MCC: variants seen among roughly 807,000 people sequenced by gnomAD.
MCC encodes colorectal mutant cancer protein.
A neutral mutation model predicts 116.2 loss-of-function variants in MCC; 90 were observed. The observed-to-expected ratio is 0.77, with a 90% CI of 0.65 to 0.92. The LOEUF (loss-of-function observed/expected upper bound fraction) is 0.92, where lower values mean the gene tolerates loss of function less well. Ranked by LOEUF, MCC falls within the 40% of genes least tolerant of loss-of-function variation. MCC has a pLI of 0.00. For missense variants in MCC, 1,516 were observed against 1,312.2 expected (o/e 1.16, Z -2.40); for synonymous variants, 578 against 510.5 (o/e 1.13, Z -1.78).
intron 1 of MCC, among the ~76,000 whole-genome samples, chr5:113,462,943 T>C (rs1771786233): frequency 6.6e-6 from 1 of 152,100 alleles, no homozygotes. Context: ...AACATATCAT[T>C]ACAAATGGAG....
intron 3 of MCC, among the ~76,000 whole-genome samples, chr5:113,339,931 A>G (rs1581411477): frequency 6.6e-6 from 1 of 152,260 alleles, no homozygotes; most frequent in Non-Finnish European, 1.5e-5. Flanking sequence ...CAAAATGGCC[A>G]GGCCATCGGC....
rs145408397 is a variant in MCC at position 113,408,412 on chromosome 5, A to G, written c.171-23200T>C. On this transcript the variant is annotated intron_variant, in intron 1 of 18. Coordinates refer to ENST00000408903, the MANE Select transcript of MCC (RefSeq NM_001085377.2). ...ACGAGATCTTTTTCTTGGAGATACA[A>G]CATGTACTGTATTATATTAAACACT... 2.0e-3 allele frequency among the ~76,000 whole-genome samples: 302 copies of G among 152,296 alleles called. 1 individual carries two copies. The highest frequency in any genetic ancestry group is 7.0e-3 in the African/African-American group (290 of 41,570).
At chr5:113,034,081 T>C (rs1324889513) in intron 17 of MCC, among the ~76,000 whole-genome samples, 1 of 148,432 alleles carries the variant, frequency 6.7e-6, no homozygotes. Flanking sequence ...TTTTTTTTTG[T>C]AGAGATAGGG....
chr5:113,055,074 C>A (rs1342527195), intron 14 of MCC, among the ~76,000 whole-genome samples: 2 of 152,226 alleles, frequency 1.3e-5, no homozygotes, highest in African/African-American at 2.4e-5. Context: ...CAGAGGCCTA[C>A]TGACCTTGCA....
chr5:113,434,667 G>A lies in MCC; in HGVS notation c.171-49455C>T. The A allele has an allele frequency of 6.2e-7, 1 of 1,613,978 alleles. No individual in the cohort carries two copies. Among genetic ancestry groups the A allele is most frequent in the South Asian group, 1.1e-5 (1 of 91,082 alleles). On this transcript the variant is annotated intron_variant, in intron 1 of 18. Coordinates refer to ENST00000408903, the MANE Select transcript of MCC (RefSeq NM_001085377.2). This position sits in a 1 kb window ranked among gnomAD's most constrained non-coding sequence, Gnocchi z 4.2. The stretch of plus-strand genomic sequence containing the variant: ...CATGGCCAGAATCTCAATTTCCCGG[G>A]GAAGGAATTTCTCCAAGAAGTCTGC...
intron 3 of MCC, among the ~76,000 whole-genome samples, chr5:113,289,739 C>A (rs1157457624): frequency 6.6e-6 from 1 of 152,196 alleles, no homozygotes; most frequent in South Asian, 2.1e-4. Context: ...TCCTCTTGCT[C>A]TAGTCACTGA....
intron 13 of MCC, among the ~76,000 whole-genome samples, chr5:113,065,495 G>C (rs1753541692): frequency 6.6e-6 from 1 of 152,110 alleles, no homozygotes. Flanking sequence ...CCAAATCATA[G>C]AAAATGCTAT....
intron 17 of MCC, among the ~76,000 whole-genome samples, chr5:113,040,871 T>C (rs1358076629): frequency 2.6e-5 from 4 of 152,224 alleles, no homozygotes; most frequent in African/African-American, 9.7e-5. Context: ...TTATGTTTAG[T>C]CAGCACAATC....
chr5:113,089,790 C>A (rs930423794), intron 8 of MCC, among the ~76,000 whole-genome samples: 3 of 152,064 alleles, frequency 2.0e-5, no homozygotes, highest in African/African-American at 7.2e-5. Flanking sequence ...TAAAAATATT[C>A]AAGGAGGTGA....
At chr5:113,341,826 G>C (rs12520003) in intron 2 of MCC, among the ~76,000 whole-genome samples, 2 of 124,458 alleles carry the variant, frequency 1.6e-5, no homozygotes, top group African/African-American at 6.6e-5. Flanking sequence ...GATTAGAAAA[G>C]AAAACTTTTT....
intron 5 of MCC, among the ~76,000 whole-genome samples, chr5:113,130,894 T>C (rs1758383172): frequency 6.6e-6 from 1 of 152,170 alleles, no homozygotes; most frequent in Admixed American, 6.5e-5. Flanking sequence ...CAGATTCCTT[T>C]CTAGTAACAC....
At chr5:113,031,324 T>TGCATTTCCTCCCGGCATTGGAGAGTGGCA (rs1750937576) in intron 17 of MCC, among the ~76,000 whole-genome samples, 1 of 152,150 alleles carries the variant, frequency 6.6e-6, no homozygotes. Flanking sequence ...CGGATCTGGC[T>TGCATTTCCTCCCGGCATTGGAGAGTGGCA]GCATTTCCTC....
At chr5:113,058,593 C>T (rs925832802) in intron 14 of MCC, among the ~76,000 whole-genome samples, 1 of 152,226 alleles carries the variant, frequency 6.6e-6, no homozygotes. Flanking sequence ...GTAGAGGCCA[C>T]AATGCTCCTG....
intron 3 of MCC, among the ~76,000 whole-genome samples, chr5:113,215,100 C>T (rs968235097): frequency 1.3e-5 from 2 of 152,206 alleles, no homozygotes; most frequent in African/African-American, 4.8e-5. Context: ...TGGCTACTGC[C>T]AGCCCTTTAA....
intron 3 of MCC, among the ~76,000 whole-genome samples, chr5:113,261,325 A>C (rs1765211472): frequency 6.6e-6 from 1 of 152,184 alleles, no homozygotes; most frequent in South Asian, 2.1e-4. Flanking sequence ...GGTACTCAAA[A>C]TACGATTTCT....
intron 6 of MCC, among the ~76,000 whole-genome samples, chr5:113,114,165 G>A (rs1757266256): frequency 6.6e-6 from 1 of 152,146 alleles, no homozygotes; most frequent in South Asian, 2.1e-4. Flanking sequence ...TTAACAATTG[G>A]TTGATTAAGA....
At chr5:113,037,840 A>G (rs369320608) in intron 17 of MCC, among the ~76,000 whole-genome samples, 2 of 152,328 alleles carry the variant, frequency 1.3e-5, no homozygotes. Context: ...GGAAAGATGA[A>G]TTGTCCAGAG....
chr5:113,287,486 C>T (rs1284368973), intron 3 of MCC, among the ~76,000 whole-genome samples: 1 of 152,106 alleles, frequency 6.6e-6, no homozygotes, highest in Non-Finnish European at 1.5e-5. Context: ...GCCACCATGC[C>T]CGGCTAACTT....
intron 8 of MCC, among the ~76,000 whole-genome samples, chr5:113,085,596 A>G (rs1275276681): frequency 6.6e-6 from 1 of 152,232 alleles, no homozygotes; most frequent in African/African-American, 2.4e-5. Flanking sequence ...CATATTCTTA[A>G]CGGAATCTGC....
Sources: gnomAD v4.1 joint callset for allele counts (sites outside exome capture counted in the v4.1 genomes callset) on GRCh38, gnomAD v4.1.1 for gene constraint, Gnocchi (gnomAD v3.1) non-coding constraint, MANE v1.5 for transcripts, NCBI Gene and HGNC (gene_info 2026-07-23, HGNC 2026-07-21) for gene names.